FRG2: variants seen among roughly 807,000 people sequenced by gnomAD.
FRG2 encodes the protein FSHD region gene 2.
In FRG2, 9 loss-of-function variants were observed where a neutral mutation model predicts 24.9. The observed-to-expected ratio is 0.36, with a 90% CI of 0.22 to 0.63. The LOEUF is 0.63. Ranked by LOEUF, FRG2 falls within the 20% of genes least tolerant of loss-of-function variation. The probability of loss-of-function intolerance (pLI) is 0.68; values close to 1 mark genes in which losing one functional copy is unlikely to be tolerated. For synonymous variants in FRG2, 51 were observed against 117.2 expected (o/e 0.44, Z 3.65); for missense variants, 126 against 305.4 (o/e 0.41, Z 4.38).
Position 190,025,814 on chromosome 4 carries a change from G to T in FRG2, c.587C>A (p.Ala196Glu). The T allele has an allele frequency of 6.2e-7, 1 of 1,613,506 alleles. No homozygotes were observed. The highest frequency in any genetic ancestry group is 1.7e-5 in the Admixed American group (1 of 59,938). Residue 196 changes from alanine (A) to glutamate (E), a missense_variant, in exon 4 of 4, where the codon GCA becomes GAA. This residue lies in a region of FRG2 where 30 missense variants were observed against 107.1 expected (regional missense o/e 0.28). Coordinates refer to ENST00000504750, the MANE Select transcript of FRG2 (RefSeq NM_001286820.2). ...GGTAAGTGGAGAATGGATCTGCTGT[G>T]CCCACACCTGGGCTAGGTCTTGATA... Reference protein sequence around the residue: ...AVYQDLAQVWAQQIHSPLTCE... With the variant: ...AVYQDLAQVWEQQIHSPLTCE...
rs2126357523 is a variant in FRG2, at chr4:190,024,504, C to T, written c.*1057G>A. ...AATGAAATAGTGTATGATCTCAGTACAAAATACAAGTAGAATATACGTCAA... is the reference window on the plus strand; with the variant it reads ...AATGAAATAGTGTATGATCTCAGTATAAAATACAAGTAGAATATACGTCAA... On this transcript the variant is annotated 3_prime_UTR_variant, in exon 4 of 4. Transcript: ENST00000504750. 1 of 149,082 alleles carries T rather than the reference C, an allele frequency of 6.7e-6. No individual in the cohort carries two copies. Among genetic ancestry groups the T allele is most frequent in the South Asian group, 2.2e-4 (1 of 4,560 alleles). 9.2% of individuals were successfully genotyped at this position (149,082 alleles called of 1,614,324 possible). A position where few individuals can be genotyped will look rare whatever the true frequency, so the allele number is the denominator to read the frequency against.
chr4:190,025,692 G>A lies in FRG2; in HGVS notation c.709C>T (p.Pro237Ser), dbSNP rs1254817317. 2.5e-6 allele frequency: 4 copies of A among 1,571,916 alleles called. No individual in the cohort carries two copies. In the African/African-American group the frequency reaches 5.8e-5, roughly 23 times the overall value. ...SMATQAAYVF[P>S]AESWLVPATL... The stretch of plus-strand genomic sequence containing the variant: ...GCTGGGACAAGCCAGCTCTCAGCAG[G>A]GAAGACATAAGCTGCCTGGGTGGCC... The change falls in exon 4 of 4, where the codon CCT becomes TCT. Residue 237 changes from proline (P) to serine (S), a missense_variant. Physicochemically the swap from Pro to Ser is moderately conservative, Grantham distance 74 (BLOSUM62 -1). Coordinates refer to ENST00000504750, the MANE Select transcript of FRG2 (RefSeq NM_001286820.2).
At position 190,026,020 on chromosome 4, in the gene FRG2, T is replaced by G. The variant is rs1190960090; in HGVS notation, c.381A>C (p.Ser127=). The G allele has an allele frequency of 7.1e-5, 114 of 1,612,990 alleles. No individual in the cohort carries two copies. Among genetic ancestry groups the G allele is most frequent in the Non-Finnish European group, 9.2e-5 (109 of 1,179,318 alleles). Residue 127 remains serine (S), a synonymous_variant, in exon 4 of 4, where the codon TCA becomes TCC. Coordinates refer to ENST00000504750, the MANE Select transcript of FRG2 (RefSeq NM_001286820.2). ...KECSLSLNKK[S]RSSTAVHNSE... is the part of the protein sequence containing the mutation. ...TGTTGTGCACAGCAGTGGAGGATCT[T>G]GATTTTTTATTCAATGACAAGCTGC...
chr4:190,026,021 G>C lies in FRG2; in HGVS notation c.380C>G (p.Ser127Ter). ...GTTGTGCACAGCAGTGGAGGATCTT[G>C]ATTTTTTATTCAATGACAAGCTGCA... is the stretch of plus-strand genomic sequence containing the variant. ...KECSLSLNKK[S>*]RSSTAVHNSE... is the part of the protein sequence containing the mutation. The change falls in exon 4 of 4, where the codon TCA (serine) becomes TGA (stop). Residue 127 changes from serine to a stop codon, truncating the protein, a stop_gained. Transcript: ENST00000504750. LOFTEE classifies it high-confidence loss of function. 1 of 1,613,104 alleles carries C rather than the reference G, an allele frequency of 6.2e-7. No homozygotes were observed. The highest frequency in any genetic ancestry group is 1.7e-4 in the Middle Eastern group (1 of 6,056).
chr4:190,025,978 G>T lies in FRG2; in HGVS notation c.423C>A (p.Thr141=). 1.9e-6 allele frequency: 3 copies of T among 1,614,008 alleles called. No individual in the cohort carries two copies. Residue 141 remains threonine, a synonymous_variant, in exon 4 of 4, where the codon ACC becomes ACA. Transcript: ENST00000504750. ...AATGTCCCCTATGGTGGGCATCACA[G>T]GTCTCCTGGATTTCACTGTTGTGCA... The part of the protein sequence containing the change: ...TAVHNSEIQE[T]CDAHHRGHSR...
rs1399581590 is a variant in FRG2 at position 190,025,994 on chromosome 4, C to T, written c.407G>A (p.Ser136Asn). 1.2e-6 allele frequency: 2 copies of T among 1,613,880 alleles called. No homozygotes were observed. The highest frequency in any genetic ancestry group is 2.7e-5 in the African/African-American group (2 of 74,928). Reference protein sequence around the residue: ...KSRSSTAVHNSEIQETCDAHH... With the variant: ...KSRSSTAVHNNEIQETCDAHH... Reference sequence around the variant, plus strand: ...GGCATCACAGGTCTCCTGGATTTCACTGTTGTGCACAGCAGTGGAGGATCT... The same window carrying T: ...GGCATCACAGGTCTCCTGGATTTCATTGTTGTGCACAGCAGTGGAGGATCT... Residue 136 changes from serine (S) to asparagine (N), a missense_variant, in exon 4 of 4, where the codon AGT becomes AAT. Ser to Asn is a conservative substitution (Grantham distance 46). Transcript: ENST00000504750.
chr4:190,026,994 T>A, intron 1 of FRG2, 33 bp downstream of exon 1: 1 of 1,019,450 alleles, frequency 9.8e-7, no homozygotes, highest in Non-Finnish European at 1.3e-6. Flanking sequence ...CAACCCTCCT[T>A]CCAGACTCCA....
At position 190,024,424 on chromosome 4, in the gene FRG2, T is replaced by C. The variant is rs1468290887; in HGVS notation, c.*1137A>G. On this transcript the variant is annotated 3_prime_UTR_variant, in exon 4 of 4. Transcript: ENST00000504750. ...TTAAAATTCCAAACAACATTGTTTATTTCATTACATAAAATGAAAATTATA... is the reference window on the plus strand; with the variant it reads ...TTAAAATTCCAAACAACATTGTTTACTTCATTACATAAAATGAAAATTATA... 6.6e-6 allele frequency: 1 copy of C among 151,330 alleles called. No homozygotes were observed. The highest frequency in any genetic ancestry group is 1.9e-4 in the East Asian group (1 of 5,154). 9.4% of individuals were successfully genotyped at this position (151,330 alleles called of 1,614,324 possible).
In FRG2 at chr4:190,027,175, G is replaced by C. The variant is rs2126370903; in HGVS notation, c.30C>G (p.Leu10=). The C allele has an allele frequency of 1.2e-6, 2 of 1,610,438 alleles. No homozygotes were observed. The highest frequency in any genetic ancestry group is 2.2e-5 in the East Asian group (1 of 44,792). MGKGNEDSD[L]HCSSIQCSTD... ...TGGAGCACTGGATGGAGGAGCAGTG[G>C]AGATCGGAGTCTTCATTTCCCTTTC... The change falls in exon 1 of 4, where the codon CTC becomes CTG. Residue 10 remains leucine, a synonymous_variant. Transcript: ENST00000504750.
chr4:190,027,195 C>T lies in FRG2; in HGVS notation c.10G>A (p.Gly4Arg). Residue 4 changes from glycine (G) to arginine (R), a missense_variant, in exon 1 of 4, where the codon GGA (glycine) becomes AGA (arginine). Transcript: ENST00000504750. The part of the protein sequence containing the change: MGK[G>R]NEDSDLHCSS... ...CAGTGGAGATCGGAGTCTTCATTTC[C>T]CTTTCCCATGTTGAAGCTCAAGTGA... is the stretch of plus-strand genomic sequence containing the variant. 4 of 1,610,146 alleles carry T rather than the reference C, an allele frequency of 2.5e-6. No homozygotes were observed. Among genetic ancestry groups the T allele is most frequent in the Admixed American group, 3.4e-5 (2 of 59,600 alleles).
At position 190,026,078 on chromosome 4, in the gene FRG2, G is replaced by C; in HGVS notation, c.335-12C>G. The stretch of plus-strand genomic sequence containing the variant: ...TTCTGGACAGTTCCCTGCAAAGAAA[G>C]CATGTGAGAGACTCACCAGAGCAGT... On this transcript the variant is annotated splice_polypyrimidine_tract_variant and intron_variant, in intron 3 of 3. Coordinates refer to ENST00000504750, the MANE Select transcript of FRG2 (RefSeq NM_001286820.2). 6.3e-7 allele frequency: 1 copy of C among 1,596,248 alleles called. No individual in the cohort carries two copies. Among genetic ancestry groups the C allele is most frequent in the South Asian group, 1.1e-5 (1 of 88,768 alleles).
Position 190,026,083 on chromosome 4 carries a change from T to C in FRG2, c.335-17A>G. On this transcript the variant is annotated splice_polypyrimidine_tract_variant and intron_variant, in intron 3 of 3. Coordinates refer to ENST00000504750, the MANE Select transcript of FRG2 (RefSeq NM_001286820.2). ...GACAGTTCCCTGCAAAGAAAGCATGTGAGAGACTCACCAGAGCAGTCCCCA... is the reference window on the plus strand; with the variant it reads ...GACAGTTCCCTGCAAAGAAAGCATGCGAGAGACTCACCAGAGCAGTCCCCA... 1 of 1,593,600 alleles carries C rather than the reference T, an allele frequency of 6.3e-7. No homozygotes were observed. Among genetic ancestry groups the C allele is most frequent in the Non-Finnish European group, 8.6e-7 (1 of 1,168,474 alleles).
In FRG2 at chr4:190,026,045, C is replaced by T; in HGVS notation, c.356G>A (p.Cys119Tyr). ...DTAGNCPEKECSLSLNKKSRS... is the reference protein window; with the variant it reads ...DTAGNCPEKEYSLSLNKKSRS... ...TGATTTTTTATTCAATGACAAGCTGCACTCCTTTTCTGGACAGTTCCCTGC... is the reference window on the plus strand; with the variant it reads ...TGATTTTTTATTCAATGACAAGCTGTACTCCTTTTCTGGACAGTTCCCTGC... Residue 119 changes from cysteine to tyrosine, a missense_variant, in exon 4 of 4, where the codon TGC becomes TAC. By Grantham distance (194) the Cys-to-Tyr change is radical (BLOSUM62 -2). Coordinates refer to ENST00000504750, the MANE Select transcript of FRG2 (RefSeq NM_001286820.2). The T allele has an allele frequency of 2.5e-6, 4 of 1,611,934 alleles. No homozygotes were observed. Among genetic ancestry groups the T allele is most frequent in the Non-Finnish European group, 8.5e-7 (1 of 1,178,574 alleles).
chr4:190,024,750 A>C lies in FRG2; in HGVS notation c.*811T>G, dbSNP rs1739455953. On this transcript the variant is annotated 3_prime_UTR_variant, in exon 4 of 4. Transcript: ENST00000504750. ...AATATTAAAAGTAAACAGCTTGCAT[A>C]GTAATTTTACTATAATTATATCAAA... 1 of 152,260 alleles carries C rather than the reference A, an allele frequency of 6.6e-6. No homozygotes were observed. Among genetic ancestry groups the C allele is most frequent in the Non-Finnish European group, 1.5e-5 (1 of 68,038 alleles). The allele number at this position is 152,260 out of a possible 1,614,324, so 9.4% of individuals were successfully genotyped here.
intron 3 of FRG2, 23 bp from the exon 4 acceptor site, chr4:190,026,089 A>T: frequency 6.3e-7 from 1 of 1,588,594 alleles, no homozygotes; most frequent in Non-Finnish European, 8.6e-7. Context: ...CATGTGAGAG[A>T]CTCACCAGAG....
intron 3 of FRG2, 88 bp from the exon 4 acceptor site, chr4:190,026,154 C>T (rs1410556574): frequency 2.4e-5 from 34 of 1,429,292 alleles, no homozygotes; most frequent in Non-Finnish European, 3.0e-5. Flanking sequence ...GTGAACCCCA[C>T]TTGTCTCTCC....
Position 190,026,042 on chromosome 4 carries a change from C to G in FRG2, c.359G>C (p.Ser120Thr). ...TCTTGATTTTTTATTCAATGACAAG[C>G]TGCACTCCTTTTCTGGACAGTTCCC... The part of the protein sequence containing the change: ...TAGNCPEKEC[S>T]LSLNKKSRSS... The change falls in exon 4 of 4, where the codon AGC becomes ACC. Residue 120 changes from serine to threonine, a missense_variant. Physicochemically the swap from Ser to Thr is moderately conservative, Grantham distance 58 (BLOSUM62 1). This residue lies in a region of FRG2 where 75 missense variants were observed against 89.1 expected (regional missense o/e 0.84). Transcript: ENST00000504750. The G allele has an allele frequency of 6.2e-7, 1 of 1,612,230 alleles. No individual in the cohort carries two copies. Among genetic ancestry groups the G allele is most frequent in the Non-Finnish European group, 8.5e-7 (1 of 1,178,730 alleles).
chr4:190,024,866 C>A lies in FRG2; in HGVS notation c.*695G>T, dbSNP rs1203945047. On this transcript the variant is annotated 3_prime_UTR_variant, in exon 4 of 4. Transcript: ENST00000504750. ...TGGGTTCAGGCTGGAAGAGTGAGAG[C>A]CTACAACCTTTTCTGGATTAAAAGA... 7.4e-5 allele frequency: 11 copies of A among 149,434 alleles called. No homozygotes were observed. Among genetic ancestry groups the A allele is most frequent in the African/African-American group, 2.4e-4 (10 of 41,232 alleles). The allele number at this position is 149,434 out of a possible 1,614,324, so 9.3% of individuals were successfully genotyped here.
Position 190,027,039 on chromosome 4 carries a change from T to A in FRG2, c.166A>T (p.Ile56Leu). Reference sequence around the variant, plus strand: ...CCCAAGGCCTTACCTTGCCTTTGTATGTGCTTCTCACTGGAATGGGAGAAG... The same window carrying A: ...CCCAAGGCCTTACCTTGCCTTTGTAAGTGCTTCTCACTGGAATGGGAGAAG... The part of the protein sequence containing the change: ...TAFSHSSEKH[I>L]QRQAGSEPNP... Residue 56 changes from isoleucine (I) to leucine (L), a missense_variant, in exon 1 of 4, where the codon ATA (isoleucine) becomes TTA (leucine). Transcript: ENST00000504750. The A allele has an allele frequency of 7.2e-7, 1 of 1,380,142 alleles. No individual in the cohort carries two copies. The highest frequency in any genetic ancestry group is 9.7e-7 in the Non-Finnish European group (1 of 1,033,352). The allele number at this position is 1,380,142 out of a possible 1,614,324, so 85.5% of individuals were successfully genotyped here. A position where few individuals can be genotyped will look rare whatever the true frequency, so the allele number is the denominator to read the frequency against.
Sources: allele counts gnomAD v4.1 joint callset, GRCh38; gene constraint gnomAD v4.1.1; regional missense constraint gnomAD v4.1.1; transcripts MANE v1.5; gene names NCBI Gene and HGNC (gene_info 2026-07-23, HGNC 2026-07-21).